DYNC2H1: variants seen among roughly 807,000 people sequenced by gnomAD.
DYNC2H1 encodes dynein cytoplasmic 2 heavy chain 1.
In DYNC2H1, 410 loss-of-function variants were observed where a neutral mutation model predicts 570.0. The observed-to-expected ratio is 0.72, with a 90% CI of 0.66 to 0.78. The LOEUF is 0.78. DYNC2H1 is among the 30% of genes least tolerant of loss of function. The pLI, the probability that DYNC2H1 is intolerant of heterozygous loss-of-function variation, is 0.00. For missense variants in DYNC2H1, 4,865 were observed against 5,046.4 expected, an observed-to-expected ratio of 0.96 and a Z score of 1.09; for synonymous variants, 1,688 against 1,677.6, an observed-to-expected ratio of 1.01 and a Z score of -0.15.
intron 63 of DYNC2H1, among the ~76,000 whole-genome samples, chr11:103,237,069 A>G (rs999291214): frequency 1.3e-5 from 2 of 152,016 alleles, no homozygotes; most frequent in African/African-American, 4.8e-5. Flanking sequence ...TGAAAACCAA[A>G]TTCAAAGCCA....
chr11:103,188,745 A>G (rs1262096163), intron 44 of DYNC2H1, 97 bp downstream of exon 44: 3 of 1,029,540 alleles, frequency 2.9e-6, no homozygotes, highest in Non-Finnish European at 3.8e-6. Context: ...TAAAATTTAG[A>G]ATATAAAAAT....
intron 84 of DYNC2H1, chr11:103,407,030 G>A (rs369436669): frequency 6.6e-6 from 1 of 151,760 alleles, no homozygotes; most frequent in Admixed American, 6.6e-5. Flanking sequence ...CCTATCATAC[G>A]AATTATAGAT....
rs1427787839 is a variant in DYNC2H1 at position 103,286,267 on chromosome 11, A to G, written c.10903A>G (p.Ser3635Gly). The change falls in exon 74 of 89, where the codon AGT becomes GGT. Residue 3635 changes from serine (S) to glycine (G), a missense_variant. By Grantham distance (56) the Ser-to-Gly change is moderately conservative. This residue lies in a region of DYNC2H1 where 2,401 missense variants were observed against 2,454.6 expected (regional missense o/e 0.98). Transcript: ENST00000375735. ...AVATLKIALP[S>G]LYQTLCFEDA... ...TTTTATTTTTTAGATTGCTCTCCCC[A>G]GTCTTTATCAGACCCTCTGCTTTGA... 5 of 1,613,566 alleles carry G rather than the reference A, an allele frequency of 3.1e-6. No individual in the cohort carries two copies. Among genetic ancestry groups the G allele is most frequent in the South Asian group, 2.2e-5 (2 of 90,964 alleles).
In DYNC2H1 at chr11:103,259,959, A is replaced by G. The variant is rs1175687439; in HGVS notation, c.10677A>G (p.Ile3559Met). ...TACAACATATGGTATATGAATATAT[A>G]TGTCGTTGTCTATTTAAGGTAAGAA... is the stretch of plus-strand genomic sequence containing the variant. ...SSLQHMVYEY[I>M]CRCLFKADQL... Residue 3559 changes from isoleucine (I) to methionine (M), a missense_variant, in exon 70 of 89, where the codon ATA (isoleucine) becomes ATG (methionine). Transcript: ENST00000375735. 6.6e-7 allele frequency: 1 copy of G among 1,511,720 alleles called. No individual in the cohort carries two copies. Among genetic ancestry groups the G allele is most frequent in the Non-Finnish European group, 8.9e-7 (1 of 1,126,022 alleles). 93.6% of individuals were successfully genotyped at this position (1,511,720 alleles called of 1,614,324 possible). A position where few individuals can be genotyped will look rare whatever the true frequency, so the allele number is the denominator to read the frequency against.
intron 87 of DYNC2H1, among the ~76,000 whole-genome samples, chr11:103,463,008 T>C (rs1945071320): frequency 6.6e-6 from 1 of 152,196 alleles, no homozygotes; most frequent in South Asian, 2.1e-4. Flanking sequence ...TAATATTTTA[T>C]GGTGATTCGT....
chr11:103,353,005 A>G (rs2671341), intron 82 of DYNC2H1, among the ~76,000 whole-genome samples: 83,369 of 151,972 alleles, frequency 0.55, 24,741 homozygotes, highest in Admixed American at 0.66. Flanking sequence ...CAGGGACATG[A>G]ATGAAACTAG....
rs5794224 is a variant in DYNC2H1, at chr11:103,329,697, C to CTT, written c.12039+5714_12039+5715dup. Among the ~76,000 whole-genome samples the CTT allele has an allele frequency of 6.6e-5, 10 of 151,462 alleles. No homozygotes were observed. The East Asian group carries it at 7.8e-4, about 12-fold the overall frequency. ...GAGCATGTATTTTTCTTCTCCTTTTCTTTTTTTTGTTGTGGGGTGGTGTGC... is the reference window on the plus strand; with the variant it reads ...GAGCATGTATTTTTCTTCTCCTTTTCTTTTTTTTTTGTTGTGGGGTGGTGTGC... On this transcript the variant is annotated intron_variant, in intron 82 of 88. Coordinates refer to ENST00000375735, the MANE Select transcript of DYNC2H1 (RefSeq NM_001377.3).
At chr11:103,113,068 A>G (rs1858188444) in intron 1 of DYNC2H1, among the ~76,000 whole-genome samples, 1 of 152,190 alleles carries the variant, frequency 6.6e-6, no homozygotes, top group East Asian at 1.9e-4. Flanking sequence ...TGCATGTATA[A>G]TTTTAAAAGC....
chr11:103,351,780 A>G (rs1053501716), intron 82 of DYNC2H1, among the ~76,000 whole-genome samples: 2 of 152,078 alleles, frequency 1.3e-5, no homozygotes, highest in Non-Finnish European at 2.9e-5. Context: ...CCTTTGTAAC[A>G]TTATTTGGAA....
intron 85 of DYNC2H1, among the ~76,000 whole-genome samples, chr11:103,436,353 C>T (rs1368730005): frequency 6.6e-6 from 1 of 151,948 alleles, no homozygotes; most frequent in African/African-American, 2.4e-5. Context: ...CCTTAGGGAG[C>T]TCCCTATGGG....
chr11:103,115,179 A>G lies in DYNC2H1; in HGVS notation c.505A>G (p.Ile169Val), dbSNP rs1358807412. ...LKFKEDDTRGILTPSDEFQFW... is the reference protein window; with the variant it reads ...LKFKEDDTRGVLTPSDEFQFW... ...TTTTCCCCTCTTGACTTTTATAGGT[A>G]TCCTTACACCAAGCGATGAGTTCCA... Residue 169 changes from isoleucine (I) to valine (V), a missense_variant and splice_region_variant, in exon 4 of 89, where the codon ATC (isoleucine) becomes GTC (valine). Physicochemically the swap from Ile to Val is conservative, Grantham distance 29 (BLOSUM62 3). Transcript: ENST00000375735. 2 of 1,605,264 alleles carry G rather than the reference A, an allele frequency of 1.2e-6. No homozygotes were observed. Among genetic ancestry groups the G allele is most frequent in the East Asian group, 2.2e-5 (1 of 44,694 alleles).
intron 54 of DYNC2H1, among the ~76,000 whole-genome samples, chr11:103,214,695 A>C (rs1188137404): frequency 2.6e-5 from 4 of 151,796 alleles, no homozygotes; most frequent in Non-Finnish European, 4.4e-5. Context: ...CACCCATCTC[A>C]GCCTCCCAAA....
At chr11:103,235,040 A>AT (rs1270202781) in intron 61 of DYNC2H1, among the ~76,000 whole-genome samples, 1 of 151,830 alleles carries the variant, frequency 6.6e-6, no homozygotes, top group Non-Finnish European at 1.5e-5. Context: ...TTTTTAATGT[A>AT]TCCTCCTATC....
rs757024810 is a variant in DYNC2H1 at position 103,158,914 on chromosome 11, A to C, written c.4265A>C (p.Lys1422Thr). The change falls in exon 28 of 89, where the codon AAA becomes ACA. Residue 1422 changes from lysine to threonine, a missense_variant. Physicochemically the swap from Lys to Thr is moderately conservative, Grantham distance 78. This residue lies in a region of DYNC2H1 where 1,936 missense variants were observed against 1,962.1 expected (regional missense o/e 0.99). Transcript: ENST00000375735. The stretch of plus-strand genomic sequence containing the variant: ...TTTTGTTTCTATTTTTATTAGGAAA[A>C]ACGCTCAGCATTCCCAAGATTTTAT... ...QKSLNEFLEEKRSAFPRFYFI... is the reference protein window; with the variant it reads ...QKSLNEFLEETRSAFPRFYFI... 1.3e-5 allele frequency: 21 copies of C among 1,605,148 alleles called. No homozygotes were observed. Among genetic ancestry groups the C allele is most frequent in the Non-Finnish European group, 1.8e-5 (21 of 1,177,336 alleles).
At chr11:103,447,690 C>CT (rs1944473414) in intron 85 of DYNC2H1, among the ~76,000 whole-genome samples, 1 of 152,088 alleles carries the variant, frequency 6.6e-6, no homozygotes, top group African/African-American at 2.4e-5. Context: ...TTTATTATAA[C>CT]TAAGTTTTTT....
chr11:103,139,071 A>AT (rs1477681102), intron 17 of DYNC2H1, among the ~76,000 whole-genome samples: 1 of 150,278 alleles, frequency 6.7e-6, no homozygotes, highest in African/African-American at 2.4e-5. Flanking sequence ...CCCCTTTATC[A>AT]TTTTTTATTG....
intron 82 of DYNC2H1, among the ~76,000 whole-genome samples, chr11:103,342,959 T>C (rs1392222519): frequency 2.0e-5 from 3 of 152,122 alleles, no homozygotes; most frequent in Non-Finnish European, 4.4e-5. Flanking sequence ...TATTCTGTCC[T>C]ATTTTTCCTT....
intron 85 of DYNC2H1, among the ~76,000 whole-genome samples, chr11:103,441,378 A>C (rs1944263068): frequency 3.7e-5 from 5 of 135,902 alleles, no homozygotes; most frequent in South Asian, 2.5e-4. Flanking sequence ...AATACTTCTT[A>C]CTCTCTTTTC....
chr11:103,263,514 T>C (rs999783236), intron 70 of DYNC2H1, among the ~76,000 whole-genome samples: 1 of 152,062 alleles, frequency 6.6e-6, no homozygotes, highest in African/African-American at 2.4e-5. Context: ...AAATAGTCTC[T>C]CACAACACAG....
Sources: gnomAD v4.1 joint callset for allele counts (sites outside exome capture counted in the v4.1 genomes callset) on GRCh38, gnomAD v4.1.1 for gene constraint, gnomAD v4.1.1 regional missense constraint, MANE v1.5 for transcripts, NCBI Gene and HGNC (gene_info 2026-07-23, HGNC 2026-07-21) for gene names.